FGL1: variants seen among roughly 807,000 people sequenced by gnomAD.
The protein encoded by FGL1 is fibrinogen-like protein 1.
In FGL1, 59 loss-of-function variants were observed where a neutral mutation model predicts 43.7. The observed-to-expected ratio is 1.35, with a 90% confidence interval of 1.10 to 1.68. The LOEUF (loss-of-function observed/expected upper bound fraction) is 1.68, where lower values mean the gene tolerates loss of function less well. Ranked by LOEUF, FGL1 falls within the 40% of genes most tolerant of loss-of-function variation. The pLI, the probability that FGL1 is intolerant of heterozygous loss-of-function variation, is 0.00. For missense variants in FGL1, 596 were observed against 373.0 expected (o/e 1.60, Z -4.92); for synonymous variants, 192 against 126.5 (o/e 1.52, Z -3.48).
At chr8:17,880,735 G>C (rs998806683) in intron 3 of FGL1, among the ~76,000 whole-genome samples, 1 of 152,104 alleles carries the variant, frequency 6.6e-6, no homozygotes, top group Non-Finnish European at 1.5e-5. Context: ...AAGTGCTTTC[G>C]CTAGCATTCT....
chr8:17,890,584 C>T (rs760456300), intron 1 of FGL1, among the ~76,000 whole-genome samples: 1 of 152,158 alleles, frequency 6.6e-6, no homozygotes, highest in Non-Finnish European at 1.5e-5. Context: ...CTGACTACCA[C>T]ATATAAAATA....
chr8:17,874,598 A>C (rs1010059577), intron 3 of FGL1, 77 bp from the exon 4 acceptor site: 2 of 1,132,850 alleles, frequency 1.8e-6, no homozygotes, highest in African/African-American at 3.1e-5. Context: ...TCTGAATGAG[A>C]CTACTCAGTA....
rs150206672 is a variant in FGL1 at position 17,893,630 on chromosome 8, A to T, written c.-18+1817T>A. Among the ~76,000 whole-genome samples the T allele has an allele frequency of 5.1e-3, 753 of 147,128 alleles. 108 individuals are homozygous for T. The highest frequency in any genetic ancestry group is 0.019 in the African/African-American group (713 of 37,462). ...TAAACAATAAAGCATTTCAAAATGT[A>T]ATTATTTACATTTAGAAAGTCATTA... On this transcript the variant is annotated intron_variant, in intron 1 of 7. Coordinates refer to ENST00000427924, the MANE Select transcript of FGL1 (RefSeq NM_004467.4).
chr8:17,893,838 T>G (rs2053740656), intron 1 of FGL1, among the ~76,000 whole-genome samples: 1 of 147,564 alleles, frequency 6.8e-6, no homozygotes, highest in South Asian at 2.1e-4. Flanking sequence ...TTATTTCTTC[T>G]GCACATCTGG....
chr8:17,879,407 C>G (rs1248970688), intron 3 of FGL1, among the ~76,000 whole-genome samples: 4 of 152,034 alleles, frequency 2.6e-5, no homozygotes, highest in Admixed American at 6.6e-5. Flanking sequence ...ATGTGTGTCC[C>G]CACCAAATCT....
chr8:17,866,999 G>C (rs981208532), intron 7 of FGL1, among the ~76,000 whole-genome samples: 8 of 152,084 alleles, frequency 5.3e-5, no homozygotes, highest in African/African-American at 1.9e-4. Context: ...AGTGAAATTT[G>C]TTTCTCTCCT....
At chr8:17,887,834 C>CAAA (rs35899868) in intron 1 of FGL1, among the ~76,000 whole-genome samples, 1 of 143,606 alleles carries the variant, frequency 7.0e-6, no homozygotes. Flanking sequence ...GACTCCATCT[C>CAAA]AAAAAAAAAA....
intron 7 of FGL1, 59 bp downstream of exon 7, chr8:17,868,489 A>G: frequency 1.6e-6 from 2 of 1,259,356 alleles, no homozygotes; most frequent in South Asian, 3.5e-5. Flanking sequence ...ATTGATAATT[A>G]ATGTCTATCA....
Position 17,885,551 on chromosome 8 carries a change from C to A in FGL1, c.4G>T (p.Ala2Ser). 6.2e-7 allele frequency: 1 copy of A among 1,613,396 alleles called. No homozygotes were observed. Among genetic ancestry groups the A allele is most frequent in the African/African-American group, 1.3e-5 (1 of 74,982 alleles). The change falls in exon 2 of 8, where the codon GCA (alanine) becomes TCA (serine). Residue 2 changes from alanine (A) to serine (S), a missense_variant. Physicochemically the swap from Ala to Ser is moderately conservative, Grantham distance 99. Transcript: ENST00000427924. Reference sequence around the variant, plus strand: ...ACAAGGATGAAACTGAACACCTTTGCCATGTTCCCCCTTGAAAAAACTGCA... The same window carrying A: ...ACAAGGATGAAACTGAACACCTTTGACATGTTCCCCCTTGAAAAAACTGCA... M[A>S]KVFSFILVTT...
chr8:17,872,106 T>C lies in FGL1; in HGVS notation c.502+1913A>G, dbSNP rs559257185. On this transcript the variant is annotated intron_variant, in intron 5 of 7. Coordinates refer to ENST00000427924, the MANE Select transcript of FGL1 (RefSeq NM_004467.4). ...TGAAGGAAAGGAAGCGTTATGTAAA[T>C]TTAGAGAGCACTGATCATAAGAAGG... 5.3e-5 allele frequency among the ~76,000 whole-genome samples: 8 copies of C among 152,076 alleles called. No individual in the cohort carries two copies. In the South Asian group the frequency reaches 1.7e-3, roughly 32 times the overall value.
chr8:17,866,857 T>A (rs1197539991), intron 7 of FGL1, among the ~76,000 whole-genome samples: 5 of 152,182 alleles, frequency 3.3e-5, no homozygotes, highest in East Asian at 1.9e-4. Flanking sequence ...CACGTTAAGT[T>A]TTATGTCATG....
chr8:17,865,016 G>T (rs2053249283), intron 7 of FGL1, among the ~76,000 whole-genome samples: 1 of 151,776 alleles, frequency 6.6e-6, no homozygotes, highest in African/African-American at 2.4e-5. Context: ...CAACTCCTGA[G>T]CTCAAGCAAT....
At chr8:17,865,278 T>C (rs1185045144) in intron 7 of FGL1, among the ~76,000 whole-genome samples, 1 of 152,186 alleles carries the variant, frequency 6.6e-6, no homozygotes, top group Non-Finnish European at 1.5e-5. Context: ...CAGAACAGTG[T>C]TAATTTCATA....
intron 2 of FGL1, 78 bp from the exon 3 acceptor site, chr8:17,882,257 T>A: frequency 7.5e-7 from 1 of 1,328,792 alleles, no homozygotes; most frequent in Non-Finnish European, 1.0e-6. Flanking sequence ...TTTGGATAAA[T>A]CAGTGATTCC....
At chr8:17,891,264 G>C (rs1027965919) in intron 1 of FGL1, 1 of 152,116 alleles carries the variant, frequency 6.6e-6, no homozygotes, top group Non-Finnish European at 1.5e-5. Context: ...CAGTTCTGGA[G>C]GATACAAGTC....
chr8:17,875,823 T>A (rs954236585), intron 3 of FGL1, among the ~76,000 whole-genome samples: 1 of 152,058 alleles, frequency 6.6e-6, no homozygotes, highest in Non-Finnish European at 1.5e-5. Flanking sequence ...GCCAGACTGG[T>A]CTCAAACTCC....
intron 5 of FGL1, among the ~76,000 whole-genome samples, chr8:17,872,133 C>A (rs917356656): frequency 6.6e-6 from 1 of 152,004 alleles, no homozygotes; most frequent in African/African-American, 2.4e-5. Context: ...ATAAGAAGGA[C>A]ATACAAAGAA....
chr8:17,872,175 C>G (rs12542171), intron 5 of FGL1, among the ~76,000 whole-genome samples: 2 of 152,010 alleles, frequency 1.3e-5, no homozygotes, highest in Non-Finnish European at 2.9e-5. Flanking sequence ...CTCATCCTGT[C>G]TAATGTTTAT....
At chr8:17,874,317 C>A in intron 4 of FGL1, 45 bp downstream of exon 4, 1 of 1,577,176 alleles carries the variant, frequency 6.3e-7, no homozygotes, top group South Asian at 1.2e-5. Flanking sequence ...TTATAAATCT[C>A]ACATTTGCTG....
Sources: allele counts gnomAD v4.1 joint callset (sites outside exome capture counted in the v4.1 genomes callset), GRCh38; gene constraint gnomAD v4.1.1; transcripts MANE v1.5; gene names NCBI Gene and HGNC (gene_info 2026-07-23, HGNC 2026-07-21).